The following FAXC variants were observed in gnomAD, a reference collection of about 807,000 sequenced individuals.
FAXC encodes failed axon connections homolog.
Under a neutral mutation model 41.9 loss-of-function variants are expected in FAXC, and 10 were observed. The observed-to-expected ratio is 0.24, with a 90% CI of 0.15 to 0.41. FAXC has a LOEUF of 0.41. FAXC is among the 10% of genes least tolerant of loss of function. FAXC has a pLI of 1.00. For synonymous variants in FAXC, 183 were observed against 183.8 expected, an observed-to-expected ratio of 1.00 and a Z score of 0.03; for missense variants, 399 against 510.9, an observed-to-expected ratio of 0.78 and a Z score of 2.11.
At chr6:99,318,030 G>C (rs967814047) in intron 4 of FAXC, among the ~76,000 whole-genome samples, 1 of 151,990 alleles carries the variant, frequency 6.6e-6, no homozygotes, top group African/African-American at 2.4e-5. Flanking sequence ...AGGCCGAGGC[G>C]GGTGGATCAC....
intron 1 of FAXC, among the ~76,000 whole-genome samples, chr6:99,348,796 A>G (rs537619412): frequency 3.9e-5 from 6 of 152,316 alleles, no homozygotes; most frequent in African/African-American, 1.4e-4. Context: ...GCAGGGCCCA[A>G]TTCTATTGTT....
rs1770454692 is a variant in FAXC, at chr6:99,272,622, A to T, written c.*8542T>A. On this transcript the variant is annotated 3_prime_UTR_variant, in exon 6 of 6. Coordinates refer to ENST00000389677, the MANE Select transcript of FAXC (RefSeq NM_032511.4). ...CACACTTCGTAACACTCTGAGGCACACTGGGCATGAAATAAAAGCAGGAGA... is the reference window on the plus strand; with the variant it reads ...CACACTTCGTAACACTCTGAGGCACTCTGGGCATGAAATAAAAGCAGGAGA... The T allele has an allele frequency of 6.6e-6, 1 of 152,212 alleles. No homozygotes were observed. Among genetic ancestry groups the T allele is most frequent in the Non-Finnish European group, 1.5e-5 (1 of 68,040 alleles). 9.4% of individuals were successfully genotyped at this position (152,212 alleles called of 1,614,324 possible).
chr6:99,325,263 T>C (rs1772756220), intron 3 of FAXC, among the ~76,000 whole-genome samples: 1 of 152,144 alleles, frequency 6.6e-6, no homozygotes, highest in African/African-American at 2.4e-5. Context: ...GGTTCTCTGT[T>C]CTAAAAACAA....
chr6:99,309,994 C>T, intron 4 of FAXC: 1 of 679,096 alleles, frequency 1.5e-6, no homozygotes, highest in Non-Finnish European at 1.8e-6. Context: ...GCCTTAGACC[C>T]ATTCCCTAGC....
intron 2 of FAXC, among the ~76,000 whole-genome samples, chr6:99,336,394 C>A (rs1051548667): frequency 6.6e-6 from 1 of 152,174 alleles, no homozygotes; most frequent in African/African-American, 2.4e-5. Flanking sequence ...AGCCACCACA[C>A]CCAGCCAAAA....
chr6:99,323,052 C>T (rs1472315404), intron 4 of FAXC, among the ~76,000 whole-genome samples: 2 of 152,204 alleles, frequency 1.3e-5, no homozygotes, highest in African/African-American at 4.8e-5. Flanking sequence ...AATGGGCACA[C>T]AGTTGAACCT....
At chr6:99,349,746 C>G (rs1018831540), upstream of FAXC, 2 of 152,032 alleles carry the variant, frequency 1.3e-5, no homozygotes, top group African/African-American at 4.8e-5. Context: ...GCCCTGCCCC[C>G]TCCCCGCATC....
At chr6:99,281,726 G>A (rs541213747) in intron 5 of FAXC, among the ~76,000 whole-genome samples, 1 of 152,320 alleles carries the variant, frequency 6.6e-6, no homozygotes, top group African/African-American at 2.4e-5. Context: ...AGCAGGAAGT[G>A]GTCCCTCCCC....
At chr6:99,314,665 T>C (rs1002620229) in intron 4 of FAXC, among the ~76,000 whole-genome samples, 7 of 152,324 alleles carry the variant, frequency 4.6e-5, no homozygotes, top group African/African-American at 1.7e-4. Flanking sequence ...CCACTGCTCT[T>C]GGGAAAAAGT....
chr6:99,281,364 CAT>C lies in FAXC; in HGVS notation c.1028_1029del (p.Tyr343Ter), dbSNP rs756859696. Reference protein sequence around the residue: ...EWHHDDDNTIYESEESSEGSK... With the variant: ...EWHHDDDNTIXESEESSEGSK... ...CTGCCTTCGCTGCTCTCCTCAGACT[CAT>C]AGATGGTATTGTCATCATCGTGGTG... On this transcript the variant is annotated frameshift_variant, in exon 6 of 6. Transcript: ENST00000389677. LOFTEE classifies it high-confidence loss of function. The C allele has an allele frequency of 6.2e-7, 1 of 1,614,214 alleles. No homozygotes were observed. Among genetic ancestry groups the C allele is most frequent in the South Asian group, 1.1e-5 (1 of 91,084 alleles).
chr6:99,341,651 AAC>A (rs1562187182), intron 2 of FAXC, among the ~76,000 whole-genome samples: 1 of 152,220 alleles, frequency 6.6e-6, no homozygotes, highest in African/African-American at 2.4e-5. Context: ...GAGACAAATC[AAC>A]AGATACACTT....
chr6:99,288,562 T>A (rs1032545431), intron 5 of FAXC, among the ~76,000 whole-genome samples: 9 of 152,210 alleles, frequency 5.9e-5, no homozygotes, highest in Admixed American at 5.9e-4. Flanking sequence ...ATATTTTAAA[T>A]GCCACGAACC....
At chr6:99,318,304 CACA>C (rs1772452403) in intron 4 of FAXC, among the ~76,000 whole-genome samples, 1 of 104,036 alleles carries the variant, frequency 9.6e-6, no homozygotes, top group African/African-American at 3.1e-5. Context: ...CACACACACA[CACA>C]AAATAGAAGA....
chr6:99,279,535 C>T lies in FAXC; in HGVS notation c.*1629G>A, dbSNP rs1319186966. The T allele has an allele frequency of 6.6e-6, 1 of 151,916 alleles. No homozygotes were observed. The highest frequency in any genetic ancestry group is 1.5e-5 in the Non-Finnish European group (1 of 67,982). 9.4% of individuals were successfully genotyped at this position (151,916 alleles called of 1,614,324 possible). On this transcript the variant is annotated 3_prime_UTR_variant, in exon 6 of 6. Transcript: ENST00000389677. The stretch of plus-strand genomic sequence containing the variant: ...TATTTTAAGAAGTGCCTCTTTAACC[C>T]CATAATGAGCAATCCTTATGTTGGT...
chr6:99,277,600 G>A lies in FAXC; in HGVS notation c.*3564C>T, dbSNP rs1770678182. 6.6e-6 allele frequency: 1 copy of A among 152,204 alleles called. No individual in the cohort carries two copies. The highest frequency in any genetic ancestry group is 2.4e-5 in the African/African-American group (1 of 41,426). 9.4% of individuals were successfully genotyped at this position (152,204 alleles called of 1,614,324 possible). A position where few individuals can be genotyped will look rare whatever the true frequency, so the allele number is the denominator to read the frequency against. On this transcript the variant is annotated 3_prime_UTR_variant, in exon 6 of 6. Coordinates refer to ENST00000389677, the MANE Select transcript of FAXC (RefSeq NM_032511.4). ...CACTGATGAGAGGTCTCTTGTATTG[G>A]TCTTGACCAGGCTGACAGGACATGG...
intron 4 of FAXC, among the ~76,000 whole-genome samples, chr6:99,313,179 G>A (rs1245230057): frequency 6.6e-6 from 1 of 152,212 alleles, no homozygotes; most frequent in Admixed American, 6.5e-5. Flanking sequence ...TGTGGTCCCA[G>A]CTCCTCGGGA....
chr6:99,282,276 C>A (rs1482884670), intron 5 of FAXC, among the ~76,000 whole-genome samples: 1 of 152,070 alleles, frequency 6.6e-6, no homozygotes, highest in African/African-American at 2.4e-5. Flanking sequence ...CAGAAGTAAT[C>A]ATTTACTCCA....
chr6:99,326,193 T>C (rs1772796608), intron 3 of FAXC, among the ~76,000 whole-genome samples: 1 of 152,050 alleles, frequency 6.6e-6, no homozygotes, highest in African/African-American at 2.4e-5. Flanking sequence ...ATAATCAGAT[T>C]TGTGGCAATG....
intron 4 of FAXC, among the ~76,000 whole-genome samples, chr6:99,298,229 C>CTTTTT (rs57836761): frequency 7.0e-6 from 1 of 142,460 alleles, no homozygotes; most frequent in Non-Finnish European, 1.5e-5. Context: ...ACCTGGAAGG[C>CTTTTT]TTTTTTTTTT....
Sources: allele counts gnomAD v4.1 joint callset (sites outside exome capture counted in the v4.1 genomes callset), GRCh38; gene constraint gnomAD v4.1.1; transcripts MANE v1.5; gene names NCBI Gene and HGNC (gene_info 2026-07-23, HGNC 2026-07-21).